Variants in B4GALT5 observed in about 807,000 individuals in gnomAD.
B4GALT5 encodes UDP-Gal:beta-GlcNAc beta-1,4-galactosyltransferase 5.
B4GALT5 carries 11 observed loss-of-function variants against 45.0 expected under a neutral mutation model. The ratio of observed to expected loss-of-function variants is 0.24; its 90% CI spans 0.15 to 0.40. B4GALT5 has a LOEUF of 0.40. Ranked by LOEUF, B4GALT5 falls within the 10% of genes least tolerant of loss-of-function variation. The pLI is 1.00. For synonymous variants in B4GALT5, 185 were observed against 182.9 expected (o/e 1.01, Z -0.09); for missense variants, 337 against 500.2 (o/e 0.67, Z 3.11).
intron 1 of B4GALT5, among the ~76,000 whole-genome samples, chr20:49,710,376 C>T (rs6067193): frequency 6.7e-6 from 1 of 149,836 alleles, no homozygotes; most frequent in Non-Finnish European, 1.5e-5. Context: ...ATGGCTCAAC[C>T]TAATGTTATT....
intron 7 of B4GALT5, among the ~76,000 whole-genome samples, chr20:49,639,008 C>T (rs768064394): frequency 7.2e-5 from 11 of 152,286 alleles, no homozygotes; most frequent in South Asian, 6.2e-4. Flanking sequence ...GCTCTATACA[C>T]ATTACATCAT....
chr20:49,679,764 C>A (rs1285013393), intron 1 of B4GALT5, among the ~76,000 whole-genome samples: 1 of 152,134 alleles, frequency 6.6e-6, no homozygotes, highest in Non-Finnish European at 1.5e-5. Context: ...CAAAGGACAG[C>A]CAGGTTTTCC....
At chr20:49,711,847 G>T (rs935872761) in intron 1 of B4GALT5, among the ~76,000 whole-genome samples, 1 of 152,102 alleles carries the variant, frequency 6.6e-6, no homozygotes, top group East Asian at 1.9e-4. Context: ...AAAATAATCA[G>T]GAGACGATCT....
chr20:49,654,318 C>T (rs996815337), intron 2 of B4GALT5, among the ~76,000 whole-genome samples: 1 of 152,204 alleles, frequency 6.6e-6, no homozygotes, highest in African/African-American at 2.4e-5. Flanking sequence ...GACAGAGCCA[C>T]ATGAGTCGAG....
At chr20:49,694,147 TA>T (rs2085827811) in intron 1 of B4GALT5, among the ~76,000 whole-genome samples, 2 of 152,168 alleles carry the variant, frequency 1.3e-5, no homozygotes, top group African/African-American at 4.8e-5. Context: ...TTTTCACATT[TA>T]TTTCCAGAAA....
chr20:49,682,498 G>A (rs983974111), intron 1 of B4GALT5, among the ~76,000 whole-genome samples: 21 of 152,234 alleles, frequency 1.4e-4, no homozygotes, highest in African/African-American at 4.6e-4. Context: ...ACCCATGCAA[G>A]CTCTCACCAC....
chr20:49,699,818 CA>C (rs1180320133), intron 1 of B4GALT5, among the ~76,000 whole-genome samples: 7 of 152,128 alleles, frequency 4.6e-5, no homozygotes, highest in Non-Finnish European at 1.0e-4. Flanking sequence ...TTCACCCTGA[CA>C]ACGTAAATTG....
At chr20:49,666,080 G>A (rs367652457) in intron 1 of B4GALT5, among the ~76,000 whole-genome samples, 2 of 152,010 alleles carry the variant, frequency 1.3e-5, no homozygotes, top group Non-Finnish European at 2.9e-5. Flanking sequence ...GGTATCAATC[G>A]GAACAAGTAA....
At position 49,634,641 on chromosome 20, in the gene B4GALT5, A is replaced by G. The variant is rs1231909674; in HGVS notation, c.*1671T>C. The G allele has an allele frequency of 6.6e-6, 1 of 152,232 alleles. No homozygotes were observed. Among genetic ancestry groups the G allele is most frequent in the East Asian group, 1.9e-4 (1 of 5,192 alleles). 9.4% of individuals were successfully genotyped at this position (152,232 alleles called of 1,614,324 possible). ...CACTTTGGGAAGTCAAGGTGGGCGG[A>G]TTGCTTGAGTCCAGGAGTTCGAGAC... On this transcript the variant is annotated 3_prime_UTR_variant, in exon 9 of 9. Transcript: ENST00000371711.
chr20:49,646,867 G>T, intron 3 of B4GALT5, 98 bp downstream of exon 3: 1 of 701,600 alleles, frequency 1.4e-6, no homozygotes, highest in Non-Finnish European at 2.3e-6. Flanking sequence ...TGGCAGGGAG[G>T]TATTTATATT....
rs1175174312 is a variant in B4GALT5 at position 49,643,591 on chromosome 20, A to G, written c.424T>C (p.Ser142Pro). The change falls in exon 4 of 9, where the codon TCC becomes CCC. Residue 142 changes from serine (S) to proline (P), a missense_variant. Ser to Pro is a moderately conservative substitution (Grantham distance 74). Coordinates refer to ENST00000371711, the MANE Select transcript of B4GALT5 (RefSeq NM_004776.4). Reference sequence around the variant, plus strand: ...CCGAGCTTGATGGTTGGGTCTTTGGAGAAGAGTTCATGAATGTAATCCATT... The same window carrying G: ...CCGAGCTTGATGGTTGGGTCTTTGGGGAAGAGTTCATGAATGTAATCCATT... ...IGMDYIHELFSKDPTIKLGGH... is the reference protein window; with the variant it reads ...IGMDYIHELFPKDPTIKLGGH... 6.2e-7 allele frequency: 1 copy of G among 1,613,972 alleles called. No homozygotes were observed. The highest frequency in any genetic ancestry group is 1.3e-5 in the African/African-American group (1 of 74,908).
chr20:49,662,545 G>A (rs1361872058), intron 1 of B4GALT5, among the ~76,000 whole-genome samples: 2 of 152,128 alleles, frequency 1.3e-5, no homozygotes, highest in African/African-American at 4.8e-5. Flanking sequence ...TGCTCCAGGA[G>A]GCATGGAGAT....
intron 1 of B4GALT5, among the ~76,000 whole-genome samples, chr20:49,684,140 CA>C (rs796091052): frequency 7.1e-5 from 10 of 140,496 alleles, no homozygotes; most frequent in South Asian, 2.3e-4. Context: ...GATTCCATCT[CA>C]AAAAAAAAAG....
chr20:49,656,946 T>TA (rs528733628), intron 1 of B4GALT5, among the ~76,000 whole-genome samples: 177 of 151,350 alleles, frequency 1.2e-3, no homozygotes, highest in South Asian at 3.3e-3. Context: ...AGCATCAACT[T>TA]AAAAAAAAAT....
At position 49,646,881 on chromosome 20, in the gene B4GALT5, T is replaced by C. The variant is rs143650364; in HGVS notation, c.364+84A>G. The stretch of plus-strand genomic sequence containing the variant: ...ATGGCAGGGAGGTATTTATATTCTC[T>C]CTGCAGGCAGACAGAGAGATCAAGA... On this transcript the variant is annotated intron_variant, in intron 3 of 8. Coordinates refer to ENST00000371711, the MANE Select transcript of B4GALT5 (RefSeq NM_004776.4). 2.1e-4 allele frequency: 172 copies of C among 805,800 alleles called. No individual in the cohort carries two copies. The African/African-American group carries it at 2.6e-3, about 12-fold the overall frequency. 49.9% of individuals were successfully genotyped at this position (805,800 alleles called of 1,614,324 possible).
At chr20:49,703,816 G>A (rs555304054) in intron 1 of B4GALT5, among the ~76,000 whole-genome samples, 1 of 151,440 alleles carries the variant, frequency 6.6e-6, no homozygotes, top group South Asian at 2.1e-4. Flanking sequence ...ACGAACCCAG[G>A]AAGCAGGGGT....
chr20:49,659,822 T>C (rs541692068), intron 1 of B4GALT5, among the ~76,000 whole-genome samples: 5 of 152,030 alleles, frequency 3.3e-5, no homozygotes, highest in East Asian at 1.9e-4. Flanking sequence ...TTTCTTTTTT[T>C]TTTTTGAGAC....
At chr20:49,693,491 T>G (rs1417262272) in intron 1 of B4GALT5, among the ~76,000 whole-genome samples, 1 of 152,144 alleles carries the variant, frequency 6.6e-6, no homozygotes, top group Non-Finnish European at 1.5e-5. Flanking sequence ...CTCTCCAAGG[T>G]GCAGGCTAAT....
rs1412881732 is a variant in B4GALT5, at chr20:49,713,828, CGCCGCCGCCTCGCCGCTCCCAGCCGCCG to C, written c.-166_-139del. The C allele has an allele frequency of 2.0e-5, 3 of 152,072 alleles. No individual in the cohort carries two copies. Among genetic ancestry groups the C allele is most frequent in the African/African-American group, 7.3e-5 (3 of 40,876 alleles). 9.4% of individuals were successfully genotyped at this position (152,072 alleles called of 1,614,324 possible). A position where few individuals can be genotyped will look rare whatever the true frequency, so the allele number is the denominator to read the frequency against. The stretch of plus-strand genomic sequence containing the variant: ...GGCCTCGCGGGCCGCCACTCGCCGC[CGCCGCCGCCTCGCCGCTCCCAGCCGCCG>C]GCCGTCGCGGGCCGGGCCACATGAA... On this transcript the variant is annotated 5_prime_UTR_variant, in exon 1 of 9. Transcript: ENST00000371711.
Sources: gnomAD v4.1 joint callset for allele counts (sites outside exome capture counted in the v4.1 genomes callset) on GRCh38, gnomAD v4.1.1 for gene constraint, MANE v1.5 for transcripts, NCBI Gene and HGNC (gene_info 2026-07-23, HGNC 2026-07-21) for gene names.